CHRM3: variants seen among roughly 807,000 people sequenced by gnomAD.
The protein encoded by CHRM3 is cholinergic receptor muscarinic 3.
Under a neutral mutation model 41.8 loss-of-function variants are expected in CHRM3, and 11 were observed. The observed-to-expected ratio is 0.26, with a 90% CI of 0.17 to 0.44. The LOEUF (loss-of-function observed/expected upper bound fraction) is 0.44. Among genes scored for constraint, CHRM3 ranks in the 20% least tolerant of loss-of-function variants. CHRM3 has a pLI of 1.00. For synonymous variants in CHRM3, 297 were observed against 301.4 expected (o/e 0.99, Z 0.15); for missense variants, 571 against 745.4 (o/e 0.77, Z 2.72).
chr1:239,487,522 A>T (rs967086533), intron 1 of CHRM3, among the ~76,000 whole-genome samples: 1 of 151,702 alleles, frequency 6.6e-6, no homozygotes, highest in Non-Finnish European at 1.5e-5. Flanking sequence ...AGAAACATGT[A>T]AAAAAACCAA....
intron 3 of CHRM3, among the ~76,000 whole-genome samples, chr1:239,591,663 A>G (rs1664171457): frequency 6.6e-6 from 1 of 152,176 alleles, no homozygotes; most frequent in Non-Finnish European, 1.5e-5. Flanking sequence ...TGGCATTTTA[A>G]TAGCCACTGA....
At chr1:239,742,035 TCACACTG>T (rs1664900257) in intron 5 of CHRM3, among the ~76,000 whole-genome samples, 1 of 152,154 alleles carries the variant, frequency 6.6e-6, no homozygotes. Context: ...CAAAGCCTTT[TCACACTG>T]CAGGAAAAGC....
chr1:239,552,062 A>G (rs373650812), intron 3 of CHRM3, among the ~76,000 whole-genome samples: 1 of 151,672 alleles, frequency 6.6e-6, no homozygotes, highest in African/African-American at 2.4e-5. Flanking sequence ...TGATATGCTC[A>G]AGTAACTATG....
intron 6 of CHRM3, among the ~76,000 whole-genome samples, chr1:239,867,313 C>T (rs2149302424): frequency 6.6e-6 from 1 of 152,294 alleles, no homozygotes; most frequent in South Asian, 2.1e-4. Context: ...TGATATTGTT[C>T]TGCTTATTTG....
intron 3 of CHRM3, chr1:239,546,416 ACT>A (rs1036263712): frequency 6.6e-6 from 1 of 152,032 alleles, no homozygotes; most frequent in African/African-American, 2.4e-5. Context: ...TAACTCTCAA[ACT>A]CTGTAAAAAT....
rs199613762 is a variant in CHRM3 at position 239,864,519 on chromosome 1, T to TAC, written c.-20+37166_-20+37167dup. Among the ~76,000 whole-genome samples, 1,454 of 147,714 alleles carry TAC rather than the reference T, an allele frequency of 9.8e-3. 16 individuals are homozygous for TAC. The highest frequency in any genetic ancestry group is 0.026 in the Admixed American group (394 of 14,968). ...CGAAACTCCGTCTCAAAACAGAAAA[T>TAC]ACACACACACACACACACACACACA... On this transcript the variant is annotated intron_variant, in intron 6 of 6. Coordinates refer to ENST00000676153, the MANE Select transcript of CHRM3 (RefSeq NM_001375978.1).
chr1:239,416,078 G>A (rs1271595824), intron 1 of CHRM3, among the ~76,000 whole-genome samples: 1 of 152,114 alleles, frequency 6.6e-6, no homozygotes, highest in African/African-American at 2.4e-5. Context: ...ATTAAGTATC[G>A]TGGGGAAGCC....
At chr1:239,767,204 A>G (rs1005002885) in intron 5 of CHRM3, among the ~76,000 whole-genome samples, 1 of 152,138 alleles carries the variant, frequency 6.6e-6, no homozygotes, top group Non-Finnish European at 1.5e-5. Context: ...GATTTTTTTT[A>G]AGTAAATGGA....
In CHRM3 at chr1:239,859,819, T is replaced by TTATATATATATATATA. The variant is rs55700294; in HGVS notation, c.-20+32458_-20+32473dup. On this transcript the variant is annotated intron_variant, in intron 6 of 6. Transcript: ENST00000676153. The stretch of plus-strand genomic sequence containing the variant: ...AAATTATATATAAGTTCTAAGTGTT[T>TTATATATATATATATA]TATATATATATATATATATATATAT... 4.1e-3 allele frequency among the ~76,000 whole-genome samples: 540 copies of TTATATATATATATATA among 131,216 alleles called. 4 individuals carry two copies. The highest frequency in any genetic ancestry group is 4.9e-3 in the Non-Finnish European group (307 of 63,050). The allele number at this position is 131,216 out of a possible 152,430, so 86.1% of individuals were successfully genotyped here.
intron 3 of CHRM3, among the ~76,000 whole-genome samples, chr1:239,602,197 C>T (rs987715896): frequency 8.6e-5 from 13 of 150,640 alleles, no homozygotes; most frequent in African/African-American, 2.7e-4. Context: ...TGCAGGGGCA[C>T]GATCTTGGCT....
At position 239,687,978 on chromosome 1, in the gene CHRM3, A is replaced by G. The variant is rs1314539470; in HGVS notation, c.-147+9690A>G. On this transcript the variant is annotated intron_variant, in intron 5 of 6. Transcript: ENST00000676153. ...ATGTCGCTAAGTGATGCATGGATGT[A>G]TGTTCTTACCACCATCAAATACGAC... Among the ~76,000 whole-genome samples the G allele has an allele frequency of 2.0e-5, 3 of 152,188 alleles. No homozygotes were observed. In the East Asian group the frequency reaches 5.8e-4, roughly 29 times the overall value.
At chr1:239,611,982 C>T (rs1330972588) in intron 3 of CHRM3, among the ~76,000 whole-genome samples, 2 of 152,160 alleles carry the variant, frequency 1.3e-5, no homozygotes, top group African/African-American at 4.8e-5. Flanking sequence ...TGTACATAGA[C>T]TCATTCATAA....
intron 5 of CHRM3, among the ~76,000 whole-genome samples, chr1:239,763,004 G>A (rs1666924516): frequency 6.6e-6 from 1 of 152,108 alleles, no homozygotes; most frequent in Admixed American, 6.5e-5. Context: ...CATTTTTGAG[G>A]TCCATTTTTA....
At chr1:239,475,750 C>T (rs1444535291) in intron 1 of CHRM3, among the ~76,000 whole-genome samples, 3 of 152,084 alleles carry the variant, frequency 2.0e-5, no homozygotes, top group Non-Finnish European at 4.4e-5. Context: ...CTCAATTTTT[C>T]AGTAAATCTA....
intron 4 of CHRM3, among the ~76,000 whole-genome samples, chr1:239,666,906 G>A (rs568941381): frequency 6.6e-6 from 1 of 152,186 alleles, no homozygotes; most frequent in South Asian, 2.1e-4. Context: ...CCACTTACAG[G>A]GAGAACATGC....
rs531556599 is a variant in CHRM3, at chr1:239,403,976, G to GGAGAGAGAGAGAGAGAGA, written c.-521+16770_-521+16787dup. Reference sequence around the variant, plus strand: ...GGGAGGGAGGGAGGGAGAGGGAGGGGGAGAGAGAGAGAGAGAGAGAGAGAG... The same window carrying GGAGAGAGAGAGAGAGAGA: ...GGGAGGGAGGGAGGGAGAGGGAGGGGGAGAGAGAGAGAGAGAGAGAGAGAGAGAGAGAGAGAGAGAGAG... On this transcript the variant is annotated intron_variant, in intron 1 of 6. Coordinates refer to ENST00000676153, the MANE Select transcript of CHRM3 (RefSeq NM_001375978.1). Among the ~76,000 whole-genome samples the GGAGAGAGAGAGAGAGAGA allele has an allele frequency of 8.6e-3, 402 of 46,506 alleles. 57 individuals carry two copies. The highest frequency in any genetic ancestry group is 0.015 in the South Asian group (8 of 528). The allele number at this position is 46,506 out of a possible 152,430, so 30.5% of individuals were successfully genotyped here.
rs1394674452 is a variant in CHRM3 at position 239,907,191 on chromosome 1, G to A, written c.-19-242G>A. Among the ~76,000 whole-genome samples, 1 of 152,156 alleles carries A rather than the reference G, an allele frequency of 6.6e-6. No individual in the cohort carries two copies. The highest frequency in any genetic ancestry group is 1.5e-5 in the Non-Finnish European group (1 of 68,020). On this transcript the variant is annotated intron_variant, in intron 6 of 6. Coordinates refer to ENST00000676153, the MANE Select transcript of CHRM3 (RefSeq NM_001375978.1). The surrounding 1 kb of genome is among the most constrained non-coding windows in gnomAD (Gnocchi z 5.4). Reference sequence around the variant, plus strand: ...GAATATATTTAGAAATGAGAAAAATGTGGGAAAAAAGCACAATGTTCAGTG... The same window carrying A: ...GAATATATTTAGAAATGAGAAAAATATGGGAAAAAAGCACAATGTTCAGTG...
At chr1:239,831,033 A>T (rs1472941212) in intron 6 of CHRM3, among the ~76,000 whole-genome samples, 1 of 151,900 alleles carries the variant, frequency 6.6e-6, no homozygotes, top group East Asian at 1.9e-4. Context: ...TTAAAAGTAC[A>T]TTTAAGAAGG....
intron 4 of CHRM3, among the ~76,000 whole-genome samples, chr1:239,657,090 T>C (rs183640780): frequency 4.7e-4 from 71 of 152,302 alleles, no homozygotes; most frequent in Non-Finnish European, 8.5e-4. Context: ...TTAAATAGGG[T>C]TCTTCACAAG....
Sources: allele counts gnomAD v4.1 joint callset (sites outside exome capture counted in the v4.1 genomes callset), GRCh38; gene constraint gnomAD v4.1.1; non-coding constraint Gnocchi (gnomAD v3.1); transcripts MANE v1.5; gene names NCBI Gene and HGNC (gene_info 2026-07-23, HGNC 2026-07-21).